Variants in TRABD2B observed in about 807,000 individuals in gnomAD.
TRABD2B encodes the protein metalloprotease TIKI2.
A neutral mutation model predicts 40.1 loss-of-function variants in TRABD2B; 14 were observed. That is an observed-to-expected ratio of 0.35 (90% CI 0.23 to 0.55). The LOEUF (loss-of-function observed/expected upper bound fraction) is 0.55. TRABD2B is among the 20% of genes least tolerant of loss of function. The pLI is 0.90. For synonymous variants in TRABD2B, 263 were observed against 277.0 expected (o/e 0.95, Z 0.50); for missense variants, 541 against 648.6 (o/e 0.83, Z 1.80).
intron 2 of TRABD2B, among the ~76,000 whole-genome samples, chr1:47,816,734 T>A (rs1645037273): frequency 6.6e-6 from 1 of 152,204 alleles, no homozygotes; most frequent in South Asian, 2.1e-4. Flanking sequence ...TGTCTTTATA[T>A]ACTTATGAGG....
At chr1:47,939,819 T>C (rs1164068597) in intron 2 of TRABD2B, among the ~76,000 whole-genome samples, 2 of 152,220 alleles carry the variant, frequency 1.3e-5, no homozygotes, top group Admixed American at 1.3e-4. Flanking sequence ...AACCAGGCTC[T>C]GTCTAGCTCA....
intron 2 of TRABD2B, among the ~76,000 whole-genome samples, chr1:47,967,759 C>G (rs1230139259): frequency 1.3e-5 from 2 of 152,164 alleles, no homozygotes; most frequent in Non-Finnish European, 2.9e-5. Context: ...CATGTGATAT[C>G]CAAGAAAATT....
At chr1:47,849,293 C>G (rs1449667072) in intron 2 of TRABD2B, among the ~76,000 whole-genome samples, 4 of 152,182 alleles carry the variant, frequency 2.6e-5, no homozygotes, top group Non-Finnish European at 5.9e-5. Context: ...CACAGAGACA[C>G]CAGACATGTG....
intron 2 of TRABD2B, among the ~76,000 whole-genome samples, chr1:47,991,368 T>C (rs1428083568): frequency 6.6e-6 from 1 of 152,152 alleles, no homozygotes; most frequent in Admixed American, 6.5e-5. Context: ...AATGATGACC[T>C]CATCTCAGTG....
chr1:47,766,771 G>A (rs1346670528), intron 6 of TRABD2B, among the ~76,000 whole-genome samples: 4 of 152,202 alleles, frequency 2.6e-5, no homozygotes, highest in African/African-American at 9.6e-5. Context: ...CATGAAGCAG[G>A]AGCCCTGGGT....
rs531765858 is a variant in TRABD2B at position 47,938,709 on chromosome 1, G to A, written c.666+55325C>T. On this transcript the variant is annotated intron_variant, in intron 2 of 6. Coordinates refer to ENST00000606738, the MANE Select transcript of TRABD2B (RefSeq NM_001194986.2). ...ATGTGTCCCTGTCTAAAACGATGGT[G>A]TTGGACTGGATTCAGTTCAACTCCA... Among the ~76,000 whole-genome samples the A allele has an allele frequency of 5.3e-5, 8 of 152,284 alleles. No homozygotes were observed. In the South Asian group the frequency reaches 1.0e-3, roughly 20 times the overall value.
At chr1:47,957,243 C>G (rs901764983) in intron 2 of TRABD2B, among the ~76,000 whole-genome samples, 19 of 152,148 alleles carry the variant, frequency 1.2e-4, no homozygotes, top group African/African-American at 4.6e-4. Context: ...GATAAAATCA[C>G]AAAGATGGGG....
intron 2 of TRABD2B, among the ~76,000 whole-genome samples, chr1:47,832,116 A>C (rs934567520): frequency 6.6e-6 from 1 of 152,160 alleles, no homozygotes; most frequent in Non-Finnish European, 1.5e-5. Context: ...GCGGATCACG[A>C]GGTCAGGAGA....
chr1:47,903,735 T>G (rs1258431330), intron 2 of TRABD2B, among the ~76,000 whole-genome samples: 2 of 152,142 alleles, frequency 1.3e-5, no homozygotes. Flanking sequence ...CCTTTCCAAA[T>G]CCCCCAGGGT....
chr1:47,890,362 T>A (rs1025684855), intron 2 of TRABD2B, among the ~76,000 whole-genome samples: 2 of 152,010 alleles, frequency 1.3e-5, no homozygotes, highest in East Asian at 1.9e-4. Flanking sequence ...GTCATGGAGG[T>A]GGCAGGTACA....
intron 2 of TRABD2B, among the ~76,000 whole-genome samples, chr1:47,992,087 G>A (rs1646020559): frequency 6.6e-6 from 1 of 152,184 alleles, no homozygotes; most frequent in Non-Finnish European, 1.5e-5. Context: ...GAACTAAGAG[G>A]AGTTCTGTTT....
At chr1:47,924,094 G>C (rs910788256) in intron 2 of TRABD2B, among the ~76,000 whole-genome samples, 2 of 152,022 alleles carry the variant, frequency 1.3e-5, no homozygotes, top group African/African-American at 4.8e-5. Context: ...GTAGAGCCTT[G>C]GGTCTGCATC....
chr1:47,922,733 T>C (rs1001748827), intron 2 of TRABD2B, among the ~76,000 whole-genome samples: 4 of 152,224 alleles, frequency 2.6e-5, no homozygotes, highest in Admixed American at 6.5e-5. Context: ...TGTCCTCTTC[T>C]GTTCATCTCC....
intron 3 of TRABD2B, among the ~76,000 whole-genome samples, chr1:47,796,081 C>T (rs1162054626): frequency 2.0e-5 from 3 of 152,194 alleles, no homozygotes; most frequent in Non-Finnish European, 4.4e-5. Flanking sequence ...CCCTTTCTGA[C>T]CACAGTTGCC....
At chr1:47,826,800 T>C (rs1645181867) in intron 2 of TRABD2B, among the ~76,000 whole-genome samples, 1 of 152,212 alleles carries the variant, frequency 6.6e-6, no homozygotes, top group African/African-American at 2.4e-5. Flanking sequence ...CTCAAACTCC[T>C]AGCCTCAAGT....
At chr1:47,807,483 A>C (rs1644907831) in intron 2 of TRABD2B, among the ~76,000 whole-genome samples, 1 of 152,198 alleles carries the variant, frequency 6.6e-6, no homozygotes. Context: ...TGAGCAGTTG[A>C]GGTTGTTGTT....
intron 2 of TRABD2B, among the ~76,000 whole-genome samples, chr1:47,816,644 A>G (rs1180641744): frequency 6.6e-6 from 1 of 152,042 alleles, no homozygotes; most frequent in African/African-American, 2.4e-5. Flanking sequence ...TCCTTCCCTG[A>G]TCCCCCAGAT....
chr1:47,929,922 C>T (rs1645017344), intron 2 of TRABD2B, among the ~76,000 whole-genome samples: 1 of 152,194 alleles, frequency 6.6e-6, no homozygotes, highest in Non-Finnish European at 1.5e-5. Flanking sequence ...ATGCCCTTGC[C>T]CAGCCCCCCA....
chr1:47,844,238 AC>A (rs1226405970), intron 2 of TRABD2B, among the ~76,000 whole-genome samples: 1 of 152,130 alleles, frequency 6.6e-6, no homozygotes, highest in East Asian at 1.9e-4. Context: ...TTTATAGGCC[AC>A]CCTTTGAATA....
Sources: allele counts gnomAD v4.1 joint callset (sites outside exome capture counted in the v4.1 genomes callset), GRCh38; gene constraint gnomAD v4.1.1; transcripts MANE v1.5; gene names NCBI Gene and HGNC (gene_info 2026-07-23, HGNC 2026-07-21).